The following TCF12 variants were observed in gnomAD, a reference collection of about 807,000 sequenced individuals.
TCF12 encodes the protein transcription factor 12.
Under a neutral mutation model 86.0 loss-of-function variants are expected in TCF12, and 45 were observed. The ratio of observed to expected loss-of-function variants is 0.52; its 90% CI spans 0.41 to 0.67. The LOEUF is 0.67. Ranked by LOEUF, TCF12 falls within the 30% of genes least tolerant of loss-of-function variation. The pLI, the probability that TCF12 is intolerant of heterozygous loss-of-function variation, is 0.00. For missense variants in TCF12, 881 were observed against 859.9 expected (o/e 1.02, Z -0.31); for synonymous variants, 330 against 299.6 (o/e 1.10, Z -1.05).
At chr15:57,123,388 A>C (rs1334138690) in intron 5 of TCF12, among the ~76,000 whole-genome samples, 1 of 152,222 alleles carries the variant, frequency 6.6e-6, no homozygotes, top group Non-Finnish European at 1.5e-5. Context: ...GGATACTAAC[A>C]CAGAGTTAAA....
intron 3 of TCF12, among the ~76,000 whole-genome samples, chr15:56,949,774 A>G (rs1229289007): frequency 1.3e-5 from 2 of 152,182 alleles, no homozygotes; most frequent in Non-Finnish European, 2.9e-5. Flanking sequence ...GATAAATACT[A>G]ATACAACCTG....
intron 5 of TCF12, among the ~76,000 whole-genome samples, chr15:57,097,786 A>T (rs1443687762): frequency 6.6e-6 from 1 of 152,092 alleles, no homozygotes; most frequent in African/African-American, 2.4e-5. Context: ...TGGCACCAAG[A>T]GAAACTTGAG....
chr15:57,282,293 A>C (rs971190645), intron 19 of TCF12, 152 bp from the exon 20 acceptor site: 59 of 840,592 alleles, frequency 7.0e-5, no homozygotes, highest in Non-Finnish European at 1.0e-4. Context: ...GCTCAGTTCA[A>C]TGCTGAGGTT....
At chr15:57,249,441 A>T (rs1349113956) in intron 13 of TCF12, among the ~76,000 whole-genome samples, 3 of 152,034 alleles carry the variant, frequency 2.0e-5, no homozygotes, top group Non-Finnish European at 2.9e-5. Flanking sequence ...ACTGAAGTGC[A>T]TATTTTTTCT....
At chr15:57,268,720 T>G (rs1034352380) in intron 18 of TCF12, among the ~76,000 whole-genome samples, 2 of 150,716 alleles carry the variant, frequency 1.3e-5, no homozygotes, top group African/African-American at 4.9e-5. Context: ...CCCTCATATG[T>G]TTTTTTTTCT....
rs1390863391 is a variant in TCF12 at position 57,286,874 on chromosome 15, C to T, written c.*729C>T. The T allele has an allele frequency of 8.4e-6, 3 of 356,508 alleles. No individual in the cohort carries two copies. The highest frequency in any genetic ancestry group is 2.2e-5 in the South Asian group (1 of 46,434). The allele number at this position is 356,508 out of a possible 1,614,324, so 22.1% of individuals were successfully genotyped here. A position where few individuals can be genotyped will look rare whatever the true frequency, so the allele number is the denominator to read the frequency against. On this transcript the variant is annotated 3_prime_UTR_variant, in exon 21 of 21. Transcript: ENST00000333725. ...ACAGTTTATGGTCACAGTCCAGCCTCCTCCGTGCAGCCCTGTGTGCTTTGC... is the reference window on the plus strand; with the variant it reads ...ACAGTTTATGGTCACAGTCCAGCCTTCTCCGTGCAGCCCTGTGTGCTTTGC...
chr15:57,070,569 A>T (rs1333605528), intron 4 of TCF12, among the ~76,000 whole-genome samples: 1 of 152,198 alleles, frequency 6.6e-6, no homozygotes, highest in Non-Finnish European at 1.5e-5. Flanking sequence ...GATGAGATTA[A>T]TGTCATTTTT....
Position 57,185,104 on chromosome 15 carries a change from A to G in TCF12, c.391-7054A>G, listed in dbSNP as rs999647957. ...ATTATGTAGCCTTCATATTCACATT[A>G]TATTGCCTGGTAATTGAAATTGTCT... is the stretch of plus-strand genomic sequence containing the variant. On this transcript the variant is annotated intron_variant, in intron 6 of 20. Coordinates refer to ENST00000333725, the MANE Select transcript of TCF12 (RefSeq NM_207037.2). Among the ~76,000 whole-genome samples the G allele has an allele frequency of 2.6e-5, 4 of 152,298 alleles. No individual in the cohort carries two copies. In the South Asian group the frequency reaches 8.3e-4, roughly 32 times the overall value.
At chr15:57,227,085 G>A (rs192422720) in intron 8 of TCF12, among the ~76,000 whole-genome samples, 1 of 152,022 alleles carries the variant, frequency 6.6e-6, no homozygotes, top group Non-Finnish European at 1.5e-5. Flanking sequence ...TCATCCCTTG[G>A]TACCTTAAAA....
At chr15:57,250,810 C>A (rs762446573) in intron 13 of TCF12, among the ~76,000 whole-genome samples, 1 of 150,870 alleles carries the variant, frequency 6.6e-6, no homozygotes, top group Non-Finnish European at 1.5e-5. Context: ...GCAGGAGAAT[C>A]GCTTGAACTC....
chr15:56,982,227 G>A (rs2062928779), intron 3 of TCF12, among the ~76,000 whole-genome samples: 1 of 152,140 alleles, frequency 6.6e-6, no homozygotes, highest in Non-Finnish European at 1.5e-5. Flanking sequence ...AAAGAATAAA[G>A]TAGGTAAAGA....
At chr15:57,203,153 C>G (rs1250607476) in intron 8 of TCF12, among the ~76,000 whole-genome samples, 1 of 152,198 alleles carries the variant, frequency 6.6e-6, no homozygotes, top group Admixed American at 6.5e-5. Flanking sequence ...CATTCACTTG[C>G]AGAAAAACAA....
chr15:57,034,616 T>C (rs1377628374), intron 3 of TCF12, among the ~76,000 whole-genome samples: 2 of 152,236 alleles, frequency 1.3e-5, no homozygotes, highest in Non-Finnish European at 2.9e-5. Context: ...AAGATATGTA[T>C]GTAGTTTTAA....
At chr15:57,209,780 T>G (rs1350024200) in intron 8 of TCF12, among the ~76,000 whole-genome samples, 1 of 152,210 alleles carries the variant, frequency 6.6e-6, no homozygotes, top group East Asian at 1.9e-4. Flanking sequence ...TTAAAATGGC[T>G]TATAAGACAC....
At chr15:56,974,615 A>G (rs1453559750) in intron 3 of TCF12, among the ~76,000 whole-genome samples, 1 of 152,096 alleles carries the variant, frequency 6.6e-6, no homozygotes, top group Non-Finnish European at 1.5e-5. Context: ...TTTAGTATTT[A>G]CAACAATCCT....
intron 8 of TCF12, among the ~76,000 whole-genome samples, chr15:57,206,368 G>T (rs2151792608): frequency 6.6e-6 from 1 of 152,092 alleles, no homozygotes. Context: ...GGGCATGGTG[G>T]TGCACACCTG....
At chr15:57,078,881 T>A (rs2070375338) in intron 4 of TCF12, among the ~76,000 whole-genome samples, 1 of 152,186 alleles carries the variant, frequency 6.6e-6, no homozygotes, top group South Asian at 2.1e-4. Flanking sequence ...CATAGATAAC[T>A]CAGTTTATAT....
chr15:56,993,012 T>C (rs1348086234), intron 3 of TCF12, among the ~76,000 whole-genome samples: 5 of 152,152 alleles, frequency 3.3e-5, no homozygotes, highest in African/African-American at 1.2e-4. Context: ...TCTTCTGGAC[T>C]CTGCAGAATA....
At chr15:57,004,391 C>A (rs1170727889) in intron 3 of TCF12, among the ~76,000 whole-genome samples, 1 of 151,932 alleles carries the variant, frequency 6.6e-6, no homozygotes, top group Non-Finnish European at 1.5e-5. Context: ...GTGTGCACCA[C>A]CATGCCTGGC....
Sources: allele counts gnomAD v4.1 joint callset (sites outside exome capture counted in the v4.1 genomes callset), GRCh38; gene constraint gnomAD v4.1.1; transcripts MANE v1.5; gene names NCBI Gene and HGNC (gene_info 2026-07-23, HGNC 2026-07-21).